Variants in NT5C2 observed in about 807,000 individuals in gnomAD.
NT5C2 encodes cytosolic purine 5'-nucleotidase.
Under a neutral mutation model 76.1 loss-of-function variants are expected in NT5C2, and 58 were observed. The observed-to-expected ratio is 0.76, with a 90% CI of 0.62 to 0.95. NT5C2 has a LOEUF of 0.95. Ranked by LOEUF, NT5C2 falls within the 40% of genes least tolerant of loss-of-function variation. The pLI is 0.00. For synonymous variants in NT5C2, 229 were observed against 237.4 expected, an observed-to-expected ratio of 0.96 and a Z score of 0.32; for missense variants, 478 against 690.3, an observed-to-expected ratio of 0.69 and a Z score of 3.45.
chr10:103,094,056 AT>A lies in NT5C2; in HGVS notation c.922-19del, dbSNP rs778957339. The stretch of plus-strand genomic sequence containing the variant: ...CCAGTTTTCTGTATGAAGAATATGG[AT>A]TTTGTAATACTTTATCATCCTATCA... On this transcript the variant is annotated intron_variant, in intron 13 of 18. Coordinates refer to ENST00000404739, the MANE Select transcript of NT5C2 (RefSeq NM_001351169.2). 23 of 1,598,580 alleles carry A rather than the reference AT, an allele frequency of 1.4e-5. No homozygotes were observed. The highest frequency in any genetic ancestry group is 1.6e-5 in the Non-Finnish European group (19 of 1,166,076).
chr10:103,112,883 T>C (rs1413301806), intron 4 of NT5C2, among the ~76,000 whole-genome samples: 1 of 152,200 alleles, frequency 6.6e-6, no homozygotes, highest in Non-Finnish European at 1.5e-5. Context: ...AACGCACATT[T>C]TTCTCTGAGA....
chr10:103,167,934 CATCATAA>C (rs1361603280), intron 3 of NT5C2, among the ~76,000 whole-genome samples: 1 of 152,082 alleles, frequency 6.6e-6, no homozygotes, highest in Non-Finnish European at 1.5e-5. Context: ...GTGCCTGGTC[CATCATAA>C]ACATTTCTAG....
At chr10:103,167,316 T>C (rs2086653651) in intron 3 of NT5C2, among the ~76,000 whole-genome samples, 1 of 152,024 alleles carries the variant, frequency 6.6e-6, no homozygotes, top group Non-Finnish European at 1.5e-5. Context: ...CCATGCCCAG[T>C]CCCATATGTA....
At chr10:103,159,171 T>C (rs2084156580) in intron 3 of NT5C2, among the ~76,000 whole-genome samples, 1 of 151,528 alleles carries the variant, frequency 6.6e-6, no homozygotes, top group Non-Finnish European at 1.5e-5. Flanking sequence ...AGTTAGAGGC[T>C]ACAGTGCACT....
Position 103,105,318 on chromosome 10 carries a change from T to C in NT5C2, c.389+388A>G, listed in dbSNP as rs76047346. On this transcript the variant is annotated intron_variant, in intron 6 of 18. Coordinates refer to ENST00000404739, the MANE Select transcript of NT5C2 (RefSeq NM_001351169.2). ...AAAATCTCTTAATCATTTAAATTGC[T>C]ATAGTTTAAAATTTTTTCAAAGCAT... 1.7e-3 allele frequency: 1,031 copies of C among 614,008 alleles called. 38 individuals carry two copies. In the East Asian group the frequency reaches 0.072, roughly 43 times the overall value. 38.0% of individuals were successfully genotyped at this position (614,008 alleles called of 1,614,324 possible).
chr10:103,158,086 A>G (rs901387475), intron 3 of NT5C2, among the ~76,000 whole-genome samples: 2 of 152,092 alleles, frequency 1.3e-5, no homozygotes, highest in East Asian at 1.9e-4. Context: ...AGAAAAAAAA[A>G]AAAGAAAATT....
chr10:103,176,670 C>T (rs1264032467), intron 2 of NT5C2, among the ~76,000 whole-genome samples: 1 of 152,128 alleles, frequency 6.6e-6, no homozygotes, highest in Non-Finnish European at 1.5e-5. Context: ...TAGCTGGGAC[C>T]ACAGGCAGAG....
rs141097837 is a variant in NT5C2, at chr10:103,108,527, A to G, written c.176-1821T>C. ...TCCTTTAGAATATTTCTGGAAATAT[A>G]TAACAGTAATACTAGTTGCCACGTA... On this transcript the variant is annotated intron_variant, in intron 4 of 18. Transcript: ENST00000404739. 1.9e-3 allele frequency among the ~76,000 whole-genome samples: 292 copies of G among 152,346 alleles called. 8 individuals carry two copies. Among genetic ancestry groups the G allele is most frequent in the East Asian group, 0.013 (70 of 5,186 alleles).
chr10:103,169,901 C>T (rs999209874), intron 3 of NT5C2, among the ~76,000 whole-genome samples: 13 of 152,056 alleles, frequency 8.5e-5, no homozygotes, highest in South Asian at 4.1e-4. Flanking sequence ...CTGAGGCAGG[C>T]GGATCACAAG....
intron 8 of NT5C2, 70 bp from the exon 9 acceptor site, chr10:103,100,089 C>A (rs2069187177): frequency 7.1e-6 from 7 of 988,556 alleles, no homozygotes; most frequent in Non-Finnish European, 1.1e-5. Flanking sequence ...TCAAAAATTT[C>A]CCAGGGGACC....
intron 4 of NT5C2, among the ~76,000 whole-genome samples, chr10:103,108,668 A>G (rs2072067420): frequency 6.6e-6 from 1 of 152,190 alleles, no homozygotes; most frequent in South Asian, 2.1e-4. Context: ...AAGTTTTTAA[A>G]AAGCAAGCTG....
chr10:103,129,472 G>A (rs2077509347), intron 4 of NT5C2, among the ~76,000 whole-genome samples: 1 of 110,442 alleles, frequency 9.1e-6, no homozygotes, highest in Non-Finnish European at 1.9e-5. Flanking sequence ...CCGGGAGGGA[G>A]ATGGGGGGGT....
intron 4 of NT5C2, 46 bp from the exon 5 acceptor site, chr10:103,106,752 A>G (rs771398877): frequency 1.8e-6 from 2 of 1,095,138 alleles, no homozygotes; most frequent in East Asian, 2.4e-5. Flanking sequence ...AGAACAGCCA[A>G]TTAAAACAGA....
chr10:103,133,481 G>A (rs796827332), intron 4 of NT5C2, among the ~76,000 whole-genome samples: 84 of 152,178 alleles, frequency 5.5e-4, no homozygotes, highest in African/African-American at 1.6e-3. Flanking sequence ...GGCAGGTCTC[G>A]AACTCCTGAC....
intron 4 of NT5C2, among the ~76,000 whole-genome samples, chr10:103,130,317 G>T (rs1387181907): frequency 6.6e-6 from 1 of 151,606 alleles, no homozygotes; most frequent in Non-Finnish European, 1.5e-5. Context: ...GATTAAGGGC[G>T]GTGCAAGATG....
chr10:103,135,417 C>A (rs942896631), intron 4 of NT5C2, among the ~76,000 whole-genome samples: 2 of 152,190 alleles, frequency 1.3e-5, no homozygotes, highest in Admixed American at 1.3e-4. Context: ...CCATGTGAGA[C>A]ATGCCTTTCA....
chr10:103,117,027 A>T (rs1009226619), intron 4 of NT5C2, among the ~76,000 whole-genome samples: 2 of 152,174 alleles, frequency 1.3e-5, no homozygotes, highest in African/African-American at 2.4e-5. Flanking sequence ...TAGGTAATAT[A>T]TTGGGCCAAA....
intron 13 of NT5C2, 103 bp downstream of exon 13, chr10:103,094,245 A>T: frequency 1.2e-6 from 1 of 822,168 alleles, no homozygotes; most frequent in Non-Finnish European, 2.0e-6. Context: ...GATACGGCTA[A>T]TTAAAAAAAA....
rs567531511 is a variant in NT5C2, at chr10:103,095,684, T to G, written c.813+255A>C. On this transcript the variant is annotated intron_variant, in intron 12 of 18. Transcript: ENST00000404739. ...GCATAAAATTATTCTGATCCCATCC[T>G]ACTAAATATCACATGAATATCCCTT... Among the ~76,000 whole-genome samples the G allele has an allele frequency of 1.9e-4, 29 of 152,372 alleles. No individual in the cohort carries two copies. The South Asian group carries it at 6.0e-3, about 32-fold the overall frequency.
Sources: allele counts gnomAD v4.1 joint callset (sites outside exome capture counted in the v4.1 genomes callset), GRCh38; gene constraint gnomAD v4.1.1; transcripts MANE v1.5; gene names NCBI Gene and HGNC (gene_info 2026-07-23, HGNC 2026-07-21).